The following CSGALNACT1 variants were observed in gnomAD, a reference collection of about 807,000 sequenced individuals.
CSGALNACT1 encodes the protein beta4GalNAcT-1.
In CSGALNACT1, 52 loss-of-function variants were observed where a neutral mutation model predicts 51.0. The ratio of observed to expected loss-of-function variants is 1.02; its 90% CI spans 0.82 to 1.29. CSGALNACT1 has a LOEUF of 1.29. CSGALNACT1 is among the 50% of genes most tolerant of loss of function. The probability of loss-of-function intolerance (pLI) is 0.00; values close to 1 mark genes in which losing one functional copy is unlikely to be tolerated. For missense variants in CSGALNACT1, 935 were observed against 679.2 expected (o/e 1.38, Z -4.19); for synonymous variants, 341 against 254.4 (o/e 1.34, Z -3.24).
intron 1 of CSGALNACT1, among the ~76,000 whole-genome samples, chr8:19,714,893 T>G (rs984834277): frequency 6.6e-6 from 1 of 152,164 alleles, no homozygotes; most frequent in Non-Finnish European, 1.5e-5. Context: ...ACCTGATAAG[T>G]AGGCTTTTGA....
intron 1 of CSGALNACT1, among the ~76,000 whole-genome samples, chr8:19,621,537 T>C (rs2053825905): frequency 6.6e-6 from 1 of 152,104 alleles, no homozygotes; most frequent in South Asian, 2.1e-4. Context: ...TCCAAGCACT[T>C]TGGGAGGCCA....
At chr8:19,423,026 A>C (rs2058189097) in intron 6 of CSGALNACT1, among the ~76,000 whole-genome samples, 1 of 152,174 alleles carries the variant, frequency 6.6e-6, no homozygotes, top group African/African-American at 2.4e-5. Flanking sequence ...GCACAAACAC[A>C]ATGTATGAGC....
intron 1 of CSGALNACT1, among the ~76,000 whole-genome samples, chr8:19,675,904 A>C (rs1039541596): frequency 2.0e-5 from 3 of 152,086 alleles, no homozygotes; most frequent in Non-Finnish European, 4.4e-5. Flanking sequence ...GACTGAACCA[A>C]GATTCACACC....
At chr8:19,525,239 G>A (rs1032635358) in intron 3 of CSGALNACT1, among the ~76,000 whole-genome samples, 10 of 152,152 alleles carry the variant, frequency 6.6e-5, no homozygotes, top group African/African-American at 2.4e-4. Context: ...ATGGCTTGCA[G>A]AGTTAAAACT....
intron 4 of CSGALNACT1, among the ~76,000 whole-genome samples, chr8:19,475,095 G>A (rs1337098760): frequency 1.3e-5 from 2 of 152,072 alleles, no homozygotes; most frequent in Non-Finnish European, 1.5e-5. Flanking sequence ...CCCAGACAGG[G>A]GAGTCTCTAA....
intron 1 of CSGALNACT1, among the ~76,000 whole-genome samples, chr8:19,639,854 C>T (rs2056534861): frequency 6.6e-6 from 1 of 151,928 alleles, no homozygotes; most frequent in African/African-American, 2.4e-5. Context: ...GGAACACTCA[C>T]TTTTAAGAAC....
At chr8:19,540,582 A>C (rs1419879694) in intron 3 of CSGALNACT1, among the ~76,000 whole-genome samples, 2 of 152,128 alleles carry the variant, frequency 1.3e-5, no homozygotes, top group Non-Finnish European at 2.9e-5. Context: ...CATAAGGAAA[A>C]ATTTCAAATG....
intron 3 of CSGALNACT1, among the ~76,000 whole-genome samples, chr8:19,560,948 A>G (rs2040567434): frequency 6.6e-6 from 1 of 152,234 alleles, no homozygotes; most frequent in South Asian, 2.1e-4. Context: ...ACTTCACTAT[A>G]CAGCAGCAAA....
intron 2 of CSGALNACT1, among the ~76,000 whole-genome samples, chr8:19,601,374 G>A (rs576450126): frequency 6.6e-6 from 1 of 152,234 alleles, no homozygotes; most frequent in East Asian, 1.9e-4. Context: ...TTGATGACAG[G>A]GTGACTATTT....
At chr8:19,630,756 T>G (rs1297126265) in intron 1 of CSGALNACT1, among the ~76,000 whole-genome samples, 1 of 152,212 alleles carries the variant, frequency 6.6e-6, no homozygotes, top group East Asian at 1.9e-4. Context: ...CTTCTTTCAC[T>G]ACAATATGCA....
rs180689958 is a variant in CSGALNACT1, at chr8:19,592,416, C to T, written c.-415-1138G>A. Among the ~76,000 whole-genome samples, 193 of 152,118 alleles carry T rather than the reference C, an allele frequency of 1.3e-3. 3 individuals carry two copies. The highest frequency in any genetic ancestry group is 4.4e-3 in the African/African-American group (183 of 41,500). On this transcript the variant is annotated intron_variant, in intron 2 of 9. Transcript: ENST00000454498. ...AATAGTATATATATTTATTTATGTA[C>T]GTATATACATGAGGGGGAACAAAGA...
chr8:19,408,604 T>A lies in CSGALNACT1; in HGVS notation c.1309+9A>T, dbSNP rs201187713. On this transcript the variant is annotated intron_variant, in intron 9 of 9. Transcript: ENST00000454498. The stretch of plus-strand genomic sequence containing the variant: ...TCTGGGTGGCAGTAGAGATGCAGAT[T>A]TGTCCTACCTATATTGATGAAGTCT... 1 of 1,612,838 alleles carries A rather than the reference T, an allele frequency of 6.2e-7. No individual in the cohort carries two copies. The highest frequency in any genetic ancestry group is 8.5e-7 in the Non-Finnish European group (1 of 1,179,496).
Position 19,458,695 on chromosome 8 carries a change from G to A in CSGALNACT1, c.635-53C>T, listed in dbSNP as rs1400576738. On this transcript the variant is annotated intron_variant, in intron 4 of 9. Coordinates refer to ENST00000454498, the Ensembl canonical transcript of CSGALNACT1. ...GTTCTAAAAATTAACCTTGGCTGCT[G>A]AGTGTTTTTCAACCGAGATCTAGCA... The A allele has an allele frequency of 5.9e-6, 9 of 1,536,348 alleles. No homozygotes were observed. In the South Asian group the frequency reaches 8.1e-5, roughly 14 times the overall value.
At chr8:19,415,596 C>A (rs183378917) in intron 8 of CSGALNACT1, among the ~76,000 whole-genome samples, 1 of 152,166 alleles carries the variant, frequency 6.6e-6, no homozygotes, top group Admixed American at 6.5e-5. Flanking sequence ...TGATTCCCTT[C>A]GCAACTCCTA....
intron 4 of CSGALNACT1, among the ~76,000 whole-genome samples, chr8:19,485,759 C>CTTTATT (rs2072736505): frequency 2.6e-5 from 1 of 38,520 alleles, no homozygotes; most frequent in African/African-American, 1.0e-4. Flanking sequence ...CCTCAGCTTG[C>CTTTATT]TTTTTTTTTT....
At chr8:19,416,282 T>G (rs1371389802) in intron 8 of CSGALNACT1, among the ~76,000 whole-genome samples, 2 of 151,960 alleles carry the variant, frequency 1.3e-5, no homozygotes, top group Non-Finnish European at 2.9e-5. Flanking sequence ...GCCCAGCTAA[T>G]TTTTGAATTT....
chr8:19,629,878 A>T (rs1199354313), intron 1 of CSGALNACT1, among the ~76,000 whole-genome samples: 1 of 152,190 alleles, frequency 6.6e-6, no homozygotes, highest in African/African-American at 2.4e-5. Context: ...AATGACAGAG[A>T]AGGAGTAAGC....
At chr8:19,753,379 G>A (rs1048015506) in intron 1 of CSGALNACT1, among the ~76,000 whole-genome samples, 9 of 151,956 alleles carry the variant, frequency 5.9e-5, no homozygotes, top group African/African-American at 7.3e-5. Context: ...TTGTCTTACC[G>A]TAAAATCCTG....
chr8:19,537,218 G>T (rs1019248617), intron 3 of CSGALNACT1, among the ~76,000 whole-genome samples: 1 of 152,028 alleles, frequency 6.6e-6, no homozygotes, highest in Admixed American at 6.6e-5. Flanking sequence ...ATCATTTGAG[G>T]CTGTAACTAC....
Sources: gnomAD v4.1 joint callset for allele counts (sites outside exome capture counted in the v4.1 genomes callset) on GRCh38, gnomAD v4.1.1 for gene constraint, MANE v1.5 for transcripts, NCBI Gene and HGNC (gene_info 2026-07-23, HGNC 2026-07-21) for gene names.